PCA3: variants seen among roughly 807,000 people sequenced by gnomAD.
PCA3 encodes prostate cancer associated 3, also known as Differential Display code 3.
At chr9:76,771,348 G>A (rs2053081058) in intron 2 of PCA3, among the ~76,000 whole-genome samples, 1 of 152,130 alleles carries the variant, frequency 6.6e-6, no homozygotes, top group African/African-American at 2.4e-5. Flanking sequence ...TAAACTCAGA[G>A]TTACAGAGTC....
At chr9:76,782,881 G>C (rs562289216) in intron 2 of PCA3, 1 of 152,342 alleles carries the variant, frequency 6.6e-6, no homozygotes, top group East Asian at 1.9e-4. Flanking sequence ...AGAAGTGCTG[G>C]CCTTTAACCA....
At chr9:76,786,481 C>T (rs977207362) in intron 2 of PCA3, 1 of 152,292 alleles carries the variant, frequency 6.6e-6, no homozygotes, top group Admixed American at 6.5e-5. Context: ...GAGTTGAATT[C>T]TCCTATTATG....
chr9:76,783,954 G>T (rs117879878), intron 2 of PCA3: 1 of 152,010 alleles, frequency 6.6e-6, no homozygotes, highest in Non-Finnish European at 1.5e-5. Flanking sequence ...TCCTCTACTC[G>T]TTTCTATCCT....
chr9:76,768,963 GAT>G (rs770962825), intron 2 of PCA3, among the ~76,000 whole-genome samples: 3 of 152,122 alleles, frequency 2.0e-5, no homozygotes, highest in Non-Finnish European at 4.4e-5. Context: ...GTCAAACAAA[GAT>G]ATATAACTCG....
chr9:76,774,462 T>TATTTATTTA (rs1554761662), intron 2 of PCA3, among the ~76,000 whole-genome samples: 1 of 104,250 alleles, frequency 9.6e-6, no homozygotes, highest in African/African-American at 3.3e-5. Flanking sequence ...TTTTTTTTTT[T>TATTTATTTA]TTTTTTTTTT....
intron 2 of PCA3, among the ~76,000 whole-genome samples, chr9:76,773,438 C>CTTT (rs35078779): frequency 4.2e-4 from 45 of 107,568 alleles, no homozygotes; most frequent in Admixed American, 6.8e-4. Flanking sequence ...ACTAGTACAT[C>CTTT]TTTTTTTTTT....
chr9:76,783,336 C>T (rs980903752), intron 2 of PCA3, among the ~76,000 whole-genome samples: 19 of 152,198 alleles, frequency 1.2e-4, no homozygotes, highest in African/African-American at 4.6e-4. Context: ...GGGGTTTCAC[C>T]ATATTGGCCA....
At chr9:76,784,255 G>T (rs1048860772) in intron 2 of PCA3, 4 of 152,182 alleles carry the variant, frequency 2.6e-5, no homozygotes, top group African/African-American at 9.6e-5. Context: ...AGATCCTGTT[G>T]TGGATATTTA....
chr9:76,779,993 G>A (rs911394245), intron 2 of PCA3: 1 of 152,148 alleles, frequency 6.6e-6, no homozygotes, highest in Non-Finnish European at 1.5e-5. Context: ...GAAGATTCTC[G>A]TAACTAGTAA....
chr9:76,772,932 T>C (rs1159771726), intron 2 of PCA3, among the ~76,000 whole-genome samples: 2 of 152,302 alleles, frequency 1.3e-5, no homozygotes. Context: ...TTAACAGAAG[T>C]TGGGAAGCCC....
chr9:76,775,918 A>G (rs950909835), intron 2 of PCA3, among the ~76,000 whole-genome samples: 1 of 129,300 alleles, frequency 7.7e-6, no homozygotes, highest in Non-Finnish European at 1.6e-5. Flanking sequence ...TCCTATGACT[A>G]CACATCCCTA....
At chr9:76,779,209 A>G (rs140893407) in intron 2 of PCA3, among the ~76,000 whole-genome samples, 1 of 151,546 alleles carries the variant, frequency 6.6e-6, no homozygotes, top group African/African-American at 2.4e-5. Flanking sequence ...TTAAATGGCA[A>G]TGGACAAAGT....
At chr9:76,778,239 G>T (rs1589174401) in intron 2 of PCA3, among the ~76,000 whole-genome samples, 1 of 152,164 alleles carries the variant, frequency 6.6e-6, no homozygotes, top group African/African-American at 2.4e-5. Context: ...GCCAGGCGTT[G>T]ATCTCATTCA....
At chr9:76,782,451 T>C (rs913352896) in intron 2 of PCA3, among the ~76,000 whole-genome samples, 1 of 152,182 alleles carries the variant, frequency 6.6e-6, no homozygotes, top group Admixed American at 6.5e-5. Flanking sequence ...GGGAAAGTTA[T>C]TCTCTCTGTG....
intron 2 of PCA3, among the ~76,000 whole-genome samples, chr9:76,783,503 T>C (rs911609515): frequency 2.0e-5 from 3 of 152,182 alleles, no homozygotes; most frequent in African/African-American, 4.8e-5. Context: ...GGCACTGCAC[T>C]AGTGACTTTA....
chr9:76,766,062 A>G (rs2130829116), intron 2 of PCA3, among the ~76,000 whole-genome samples: 1 of 151,962 alleles, frequency 6.6e-6, no homozygotes, highest in Middle Eastern at 3.4e-3. Context: ...AGGCACCTGT[A>G]GTCCCAGCTA....
intron 2 of PCA3, chr9:76,782,632 CAG>C (rs2054540688): frequency 6.6e-6 from 1 of 152,148 alleles, no homozygotes; most frequent in Non-Finnish European, 1.5e-5. Flanking sequence ...GTTATAAGCG[CAG>C]AGTTTCTTGG....
At chr9:76,770,159 C>T (rs748100413) in intron 2 of PCA3, among the ~76,000 whole-genome samples, 8 of 152,154 alleles carry the variant, frequency 5.3e-5, no homozygotes, top group South Asian at 2.1e-4. Flanking sequence ...TTTACTATAA[C>T]ATTTATAGTA....
chr9:76,767,954 T>C (rs2052603330), intron 2 of PCA3, among the ~76,000 whole-genome samples: 2 of 152,212 alleles, frequency 1.3e-5, no homozygotes, highest in Non-Finnish European at 2.9e-5. Flanking sequence ...GTATTAATAA[T>C]TGTACATTCA....
Sources: gnomAD v4.1 joint callset for allele counts (sites outside exome capture counted in the v4.1 genomes callset) on GRCh38, gnomAD v4.1.1 for gene constraint, MANE v1.5 for transcripts, NCBI Gene and HGNC (gene_info 2026-07-23, HGNC 2026-07-21) for gene names.